CCT6B: variants seen among roughly 807,000 people sequenced by gnomAD.
The protein encoded by CCT6B is chaperonin containing TCP1 subunit 6B.
CCT6B carries 49 observed loss-of-function variants against 61.5 expected under a neutral mutation model. That is an observed-to-expected ratio of 0.80 (90% CI 0.63 to 1.01). CCT6B has a LOEUF of 1.01. Among genes scored for constraint, CCT6B ranks in the 50% least tolerant of loss-of-function variants. The pLI is 0.00. For synonymous variants in CCT6B, 228 were observed against 214.5 expected (o/e 1.06, Z -0.55); for missense variants, 666 against 634.7 (o/e 1.05, Z -0.53).
chr17:34,959,448 G>A (rs1009368966), intron 2 of CCT6B, 139 bp downstream of exon 2: 1 of 585,828 alleles, frequency 1.7e-6, no homozygotes, highest in African/African-American at 1.9e-5. Flanking sequence ...TTTTTTTATT[G>A]AGGTCTAATT....
intron 5 of CCT6B, among the ~76,000 whole-genome samples, chr17:34,944,947 T>C (rs755397570): frequency 5.9e-5 from 9 of 152,136 alleles, no homozygotes; most frequent in Non-Finnish European, 1.3e-4. Context: ...AAAAAGTAAA[T>C]GTTTTCCAAA....
chr17:34,945,758 A>G (rs1354191085), intron 5 of CCT6B, among the ~76,000 whole-genome samples: 1 of 152,216 alleles, frequency 6.6e-6, no homozygotes, highest in African/African-American at 2.4e-5. Flanking sequence ...GATCAGTCCT[A>G]CTATCAAAAA....
intron 5 of CCT6B, among the ~76,000 whole-genome samples, chr17:34,947,446 T>C (rs1307376411): frequency 6.6e-6 from 1 of 152,232 alleles, no homozygotes; most frequent in Non-Finnish European, 1.5e-5. Context: ...GACTCATGGC[T>C]AATTTCTGTA....
At chr17:34,956,519 C>T (rs905493534) in intron 3 of CCT6B, among the ~76,000 whole-genome samples, 4 of 152,156 alleles carry the variant, frequency 2.6e-5, no homozygotes, top group Non-Finnish European at 5.9e-5. Flanking sequence ...GCATCTCACC[C>T]TTGCCAAACT....
intron 5 of CCT6B, among the ~76,000 whole-genome samples, chr17:34,947,437 A>G (rs1275257624): frequency 1.3e-5 from 2 of 152,214 alleles, no homozygotes; most frequent in African/African-American, 4.8e-5. Context: ...GCTATAAAGG[A>G]CTCATGGCTA....
chr17:34,961,427 C>T lies in CCT6B; in HGVS notation c.-34G>A. ...CGTTCAGAGGGAGAAAAAAAAAAAG[C>T]CTTAGTCGCGATTCTGAGCAAAAAC... On this transcript the variant is annotated 5_prime_UTR_variant, in exon 1 of 14. Coordinates refer to ENST00000314144, the MANE Select transcript of CCT6B (RefSeq NM_006584.4). 1 of 1,563,650 alleles carries T rather than the reference C, an allele frequency of 6.4e-7. No homozygotes were observed. Among genetic ancestry groups the T allele is most frequent in the Non-Finnish European group, 8.6e-7 (1 of 1,160,964 alleles).
chr17:34,930,878 T>C, intron 12 of CCT6B, 71 bp downstream of exon 12: 1 of 733,106 alleles, frequency 1.4e-6, no homozygotes, highest in Non-Finnish European at 2.4e-6. Context: ...CCTCTACTCC[T>C]TTACCATAAG....
chr17:34,938,462 G>A (rs567419739), intron 10 of CCT6B, among the ~76,000 whole-genome samples: 53 of 152,160 alleles, frequency 3.5e-4, no homozygotes, highest in Admixed American at 7.2e-4. Flanking sequence ...CAGCTGAGGT[G>A]GGAGGATCAC....
chr17:34,943,432 G>A (rs1188290402), intron 5 of CCT6B: 1 of 152,154 alleles, frequency 6.6e-6, no homozygotes, highest in African/African-American at 2.4e-5. Context: ...CAACAATAGG[G>A]TATTATTCAG....
chr17:34,931,838 A>G (rs1180246228), intron 11 of CCT6B, among the ~76,000 whole-genome samples: 2 of 152,196 alleles, frequency 1.3e-5, no homozygotes. Flanking sequence ...CAATTAAGGC[A>G]AAGACAAAGG....
intron 10 of CCT6B, 142 bp from the exon 11 acceptor site, chr17:34,932,642 T>C (rs927509887): frequency 2.8e-5 from 19 of 669,392 alleles, no homozygotes; most frequent in East Asian, 5.5e-5. Flanking sequence ...AATTACTCAG[T>C]TATCTTATGA....
intron 10 of CCT6B, among the ~76,000 whole-genome samples, chr17:34,936,442 C>T (rs1204422116): frequency 6.6e-6 from 1 of 151,946 alleles, no homozygotes; most frequent in African/African-American, 2.4e-5. Context: ...GGTTCTGGCC[C>T]ATGAAATAAG....
intron 3 of CCT6B, among the ~76,000 whole-genome samples, chr17:34,955,552 T>A (rs2090338807): frequency 6.6e-6 from 1 of 152,152 alleles, no homozygotes; most frequent in Non-Finnish European, 1.5e-5. Flanking sequence ...ATACAGGAAT[T>A]CTTTGTAGTA....
intron 3 of CCT6B, among the ~76,000 whole-genome samples, chr17:34,958,287 T>A (rs938293222): frequency 8.6e-5 from 13 of 151,996 alleles, no homozygotes; most frequent in Admixed American, 3.3e-4. Context: ...CTAAAAAAAA[T>A]ACAAACATTA....
At position 34,934,743 on chromosome 17, in the gene CCT6B, C is replaced by T. The variant is rs906911573; in HGVS notation, c.1214-2243G>A. ...ACCAACATTTAAGAAAGAAATAATA[C>T]AAATAATACCAATTCTCCACAACAA... On this transcript the variant is annotated intron_variant, in intron 10 of 13. Transcript: ENST00000314144. 5.9e-5 allele frequency among the ~76,000 whole-genome samples: 9 copies of T among 152,210 alleles called. No homozygotes were observed. The South Asian group carries it at 1.4e-3, about 25-fold the overall frequency.
chr17:34,940,479 T>C (rs2090150834), intron 8 of CCT6B, 60 bp downstream of exon 8: 1 of 873,964 alleles, frequency 1.1e-6, no homozygotes, highest in East Asian at 2.7e-5. Context: ...GGAAAACACA[T>C]GGGATAGTTT....
chr17:34,961,198 G>C, intron 1 of CCT6B, 59 bp downstream of exon 1: 1 of 1,539,224 alleles, frequency 6.5e-7, no homozygotes, highest in South Asian at 1.2e-5. Context: ...TGCCTCAGAG[G>C]GCGACAGGAC....
chr17:34,949,636 T>C (rs1333170957), intron 5 of CCT6B: 3 of 152,116 alleles, frequency 2.0e-5, no homozygotes, highest in Admixed American at 1.3e-4. Context: ...ATTATACTTT[T>C]AAAGACATTA....
Position 34,960,891 on chromosome 17 carries a change from C to T in CCT6B, c.137+366G>A, listed in dbSNP as rs149648243. On this transcript the variant is annotated intron_variant, in intron 1 of 13. Coordinates refer to ENST00000314144, the MANE Select transcript of CCT6B (RefSeq NM_006584.4). ...GTGTCCTCTCCACTACAATACATTG[C>T]CATACAAAAAACAAAACTACTTGTT... Among the ~76,000 whole-genome samples the T allele has an allele frequency of 1.1e-4, 17 of 152,302 alleles. No homozygotes were observed. In the East Asian group the frequency reaches 3.3e-3, roughly 29 times the overall value.
Sources: gnomAD v4.1 joint callset for allele counts (sites outside exome capture counted in the v4.1 genomes callset) on GRCh38, gnomAD v4.1.1 for gene constraint, MANE v1.5 for transcripts, NCBI Gene and HGNC (gene_info 2026-07-23, HGNC 2026-07-21) for gene names.